ANKS1B: variants seen among roughly 807,000 people sequenced by gnomAD.
ANKS1B encodes the protein ankyrin repeat and sterile alpha motif domain-containing protein 1B.
Under a neutral mutation model 148.3 loss-of-function variants are expected in ANKS1B, and 36 were observed. The observed-to-expected ratio is 0.24, with a 90% CI of 0.19 to 0.32. The LOEUF (loss-of-function observed/expected upper bound fraction) is 0.32, where lower values mean the gene tolerates loss of function less well. Among genes scored for constraint, ANKS1B ranks in the 10% least tolerant of loss-of-function variants. The pLI is 1.00. For synonymous variants in ANKS1B, 542 were observed against 560.8 expected, an observed-to-expected ratio of 0.97 and a Z score of 0.47; for missense variants, 1,157 against 1,542.6, an observed-to-expected ratio of 0.75 and a Z score of 4.19.
At chr12:99,438,646 AT>A (rs560313676) in intron 11 of ANKS1B, among the ~76,000 whole-genome samples, 137 of 152,058 alleles carry the variant, frequency 9.0e-4, no homozygotes, top group African/African-American at 3.2e-3. Flanking sequence ...CAAAGACTAC[AT>A]AAAATGTATA....
At chr12:99,060,959 G>T (rs1164232176) in intron 16 of ANKS1B, among the ~76,000 whole-genome samples, 1 of 152,142 alleles carries the variant, frequency 6.6e-6, no homozygotes, top group Non-Finnish European at 1.5e-5. Flanking sequence ...TATGATATTG[G>T]CATGGTATTT....
intron 1 of ANKS1B, among the ~76,000 whole-genome samples, chr12:99,826,076 C>T (rs986117495): frequency 2.0e-5 from 3 of 151,968 alleles, no homozygotes; most frequent in African/African-American, 7.3e-5. Context: ...GAAAATAAGG[C>T]ACTGAAAGAC....
At chr12:99,316,481 G>C (rs2084125058) in intron 12 of ANKS1B, among the ~76,000 whole-genome samples, 1 of 152,156 alleles carries the variant, frequency 6.6e-6, no homozygotes, top group Non-Finnish European at 1.5e-5. Context: ...TTTGAGAAGT[G>C]TCTGTTCATA....
At chr12:99,743,241 C>T (rs146833128) in intron 8 of ANKS1B, among the ~76,000 whole-genome samples, 6 of 152,080 alleles carry the variant, frequency 3.9e-5, no homozygotes, top group African/African-American at 1.2e-4. Context: ...GTCTCAAGCA[C>T]GACAAAATCT....
chr12:99,040,928 G>A (rs552691659), intron 17 of ANKS1B, among the ~76,000 whole-genome samples: 15 of 152,228 alleles, frequency 9.9e-5, no homozygotes, highest in South Asian at 4.2e-4. Flanking sequence ...GTCTAGCTCC[G>A]AGTCCCCAGT....
chr12:99,389,838 G>T lies in ANKS1B; in HGVS notation c.1756+9793C>A, dbSNP rs76654336. Among the ~76,000 whole-genome samples, 582 of 152,190 alleles carry T rather than the reference G, an allele frequency of 3.8e-3. 37 individuals are homozygous for T. In the East Asian group the frequency reaches 0.086, roughly 23 times the overall value. ...CACAAAATCTCTCTGAAACTACTGC[G>T]CCCTTGCCTCTGCTGTAATTTTGGA... On this transcript the variant is annotated intron_variant, in intron 12 of 26. Coordinates refer to ENST00000683438, the MANE Select transcript of ANKS1B (RefSeq NM_001352186.2).
chr12:99,504,376 C>T, intron 10 of ANKS1B, 100 bp downstream of exon 10: 1 of 1,250,602 alleles, frequency 8.0e-7, no homozygotes, highest in Non-Finnish European at 1.1e-6. Context: ...GGGGAACTTT[C>T]ATTTTGATAA....
chr12:99,785,028 A>G (rs1052918226), intron 4 of ANKS1B, among the ~76,000 whole-genome samples: 1 of 152,160 alleles, frequency 6.6e-6, no homozygotes, highest in African/African-American at 2.4e-5. Context: ...TTGAAAATAT[A>G]GATGTTTAGG....
chr12:98,810,351 C>T (rs937662302), intron 19 of ANKS1B, among the ~76,000 whole-genome samples: 2 of 152,194 alleles, frequency 1.3e-5, no homozygotes, highest in African/African-American at 4.8e-5. Flanking sequence ...ATGTTACATG[C>T]ATGTTGGTTC....
chr12:98,871,447 G>A (rs953544060), intron 17 of ANKS1B, among the ~76,000 whole-genome samples: 20 of 152,148 alleles, frequency 1.3e-4, no homozygotes, highest in African/African-American at 4.8e-4. Flanking sequence ...TTTGACCAGT[G>A]AGGAAACAAA....
chr12:99,279,282 G>T (rs531304286), intron 12 of ANKS1B, among the ~76,000 whole-genome samples: 7 of 152,242 alleles, frequency 4.6e-5, no homozygotes, highest in South Asian at 4.1e-4. Context: ...AATTACATCA[G>T]CTCTATTATA....
At chr12:98,927,926 A>G (rs942725233) in intron 17 of ANKS1B, among the ~76,000 whole-genome samples, 2 of 151,798 alleles carry the variant, frequency 1.3e-5, no homozygotes, top group African/African-American at 4.8e-5. Context: ...AGGAAATAAT[A>G]AAAATAAGAG....
intron 14 of ANKS1B, among the ~76,000 whole-genome samples, chr12:99,214,609 A>G (rs2083869606): frequency 6.6e-6 from 1 of 152,204 alleles, no homozygotes. Flanking sequence ...CTGTGAGTCC[A>G]TGAAACCTCT....
intron 16 of ANKS1B, among the ~76,000 whole-genome samples, chr12:99,058,279 G>A (rs2040981366): frequency 6.9e-6 from 1 of 143,990 alleles, no homozygotes; most frequent in South Asian, 2.2e-4. Context: ...TCTGTCACCC[G>A]GGCACCCAGG....
At chr12:99,199,133 AT>A (rs2081749269) in intron 14 of ANKS1B, among the ~76,000 whole-genome samples, 1 of 152,132 alleles carries the variant, frequency 6.6e-6, no homozygotes, top group Non-Finnish European at 1.5e-5. Context: ...TCCCTGGCCA[AT>A]TTTTTGACTA....
chr12:99,560,827 T>G (rs12317755), intron 9 of ANKS1B, among the ~76,000 whole-genome samples: 2,079 of 141,556 alleles, frequency 0.015, 56 homozygotes, highest in African/African-American at 0.051. Context: ...CAATGGCAAT[T>G]TCTTTCTTTT....
intron 15 of ANKS1B, among the ~76,000 whole-genome samples, chr12:99,153,045 C>A (rs2153821097): frequency 6.6e-6 from 1 of 152,154 alleles, no homozygotes; most frequent in Admixed American, 6.5e-5. Context: ...AAAAAACCAA[C>A]AAATCACTCA....
At chr12:98,965,549 T>C (rs189627978) in intron 17 of ANKS1B, among the ~76,000 whole-genome samples, 7 of 152,304 alleles carry the variant, frequency 4.6e-5, no homozygotes, top group Admixed American at 2.0e-4. Context: ...GATACAGTAA[T>C]GGCCAAAAGA....
chr12:98,786,436 G>T (rs1353127000), intron 22 of ANKS1B, among the ~76,000 whole-genome samples: 1 of 152,098 alleles, frequency 6.6e-6, no homozygotes, highest in Non-Finnish European at 1.5e-5. Flanking sequence ...TTTTTAAAAA[G>T]AAGAGATTTT....
Sources: gnomAD v4.1 joint callset for allele counts (sites outside exome capture counted in the v4.1 genomes callset) on GRCh38, gnomAD v4.1.1 for gene constraint, MANE v1.5 for transcripts, NCBI Gene and HGNC (gene_info 2026-07-23, HGNC 2026-07-21) for gene names.